Variants in KCNIP4 observed in about 807,000 individuals in gnomAD.
The protein encoded by KCNIP4 is Kv channel-interacting protein 4.
A neutral mutation model predicts 34.0 loss-of-function variants in KCNIP4; 12 were observed. The ratio of observed to expected loss-of-function variants is 0.35; its 90% CI spans 0.23 to 0.57. The LOEUF (loss-of-function observed/expected upper bound fraction) is 0.57, where lower values mean the gene tolerates loss of function less well. KCNIP4 is among the 20% of genes least tolerant of loss of function. The pLI, the probability that KCNIP4 is intolerant of heterozygous loss-of-function variation, is 0.83. For missense variants in KCNIP4, 238 were observed against 311.7 expected (o/e 0.76, Z 1.78); for synonymous variants, 124 against 102.2 (o/e 1.21, Z -1.29).
At chr4:21,708,950 C>T (rs969188466) in intron 1 of KCNIP4, among the ~76,000 whole-genome samples, 12 of 152,118 alleles carry the variant, frequency 7.9e-5, no homozygotes, top group Non-Finnish European at 1.6e-4. Flanking sequence ...ATTCAGCATG[C>T]TATTTTCTCC....
chr4:20,936,461 A>C (rs181869508), intron 1 of KCNIP4, among the ~76,000 whole-genome samples: 2 of 151,780 alleles, frequency 1.3e-5, no homozygotes, highest in African/African-American at 2.4e-5. Context: ...TTCATCATGC[A>C]TACAGGTACA....
chr4:20,908,835 T>C (rs748392582), intron 1 of KCNIP4, among the ~76,000 whole-genome samples: 1 of 152,234 alleles, frequency 6.6e-6, no homozygotes, highest in Non-Finnish European at 1.5e-5. Context: ...ACTTGTCTCA[T>C]TTAGTTCTTT....
chr4:21,521,544 C>T (rs1198199141), intron 1 of KCNIP4, among the ~76,000 whole-genome samples: 1 of 152,104 alleles, frequency 6.6e-6, no homozygotes, highest in African/African-American at 2.4e-5. Flanking sequence ...CCACTACTCC[C>T]CTAACTTCTC....
chr4:21,078,100 A>T (rs904549138), intron 1 of KCNIP4, among the ~76,000 whole-genome samples: 9 of 152,052 alleles, frequency 5.9e-5, no homozygotes, highest in African/African-American at 2.2e-4. Context: ...TGACATAAGG[A>T]CACCACTGAA....
intron 1 of KCNIP4, among the ~76,000 whole-genome samples, chr4:21,361,265 A>T (rs1719189934): frequency 1.3e-5 from 2 of 152,016 alleles, no homozygotes; most frequent in Admixed American, 1.3e-4. Context: ...CAGATTCTCC[A>T]TCTATAAAAT....
At chr4:21,561,398 A>T (rs2109033206) in intron 1 of KCNIP4, among the ~76,000 whole-genome samples, 1 of 152,198 alleles carries the variant, frequency 6.6e-6, no homozygotes, top group Non-Finnish European at 1.5e-5. Flanking sequence ...AAGACTAAAA[A>T]TAGAAGGGAT....
At chr4:20,797,978 C>A (rs537778128) in intron 3 of KCNIP4, among the ~76,000 whole-genome samples, 1 of 152,288 alleles carries the variant, frequency 6.6e-6, no homozygotes, top group Non-Finnish European at 1.5e-5. Context: ...GTGTTTTTAG[C>A]CTCTAAGTTG....
At chr4:21,121,055 C>T (rs116750996) in intron 1 of KCNIP4, among the ~76,000 whole-genome samples, 4 of 152,208 alleles carry the variant, frequency 2.6e-5, no homozygotes, top group Non-Finnish European at 2.9e-5. Flanking sequence ...ACTAGCTTCT[C>T]GAAGAATACA....
At chr4:21,271,913 T>C (rs1230416908) in intron 1 of KCNIP4, among the ~76,000 whole-genome samples, 1 of 152,166 alleles carries the variant, frequency 6.6e-6, no homozygotes, top group Non-Finnish European at 1.5e-5. Flanking sequence ...GTAAAACTAT[T>C]AGATGCATTC....
At chr4:21,823,609 A>G (rs1722502657) in intron 1 of KCNIP4, among the ~76,000 whole-genome samples, 1 of 151,972 alleles carries the variant, frequency 6.6e-6, no homozygotes, top group African/African-American at 2.4e-5. Flanking sequence ...CCCCAAATAC[A>G]CTAAATCAGA....
chr4:21,908,222 A>C (rs1158853779), intron 1 of KCNIP4, among the ~76,000 whole-genome samples: 1 of 152,154 alleles, frequency 6.6e-6, no homozygotes, highest in African/African-American at 2.4e-5. Context: ...GCCTACCTCT[A>C]CAAAGCAGGA....
intron 3 of KCNIP4, among the ~76,000 whole-genome samples, chr4:20,763,122 C>G (rs1265259774): frequency 1.3e-5 from 2 of 152,130 alleles, no homozygotes; most frequent in Non-Finnish European, 2.9e-5. Context: ...GATTACAATT[C>G]AAGATGAGAT....
intron 1 of KCNIP4, among the ~76,000 whole-genome samples, chr4:21,202,847 A>G (rs966197549): frequency 6.6e-6 from 1 of 152,168 alleles, no homozygotes; most frequent in Non-Finnish European, 1.5e-5. Flanking sequence ...CAGAATCTAC[A>G]AGGGCTACTA....
At chr4:21,291,453 A>G (rs904378911) in intron 1 of KCNIP4, among the ~76,000 whole-genome samples, 17 of 152,212 alleles carry the variant, frequency 1.1e-4, no homozygotes, top group African/African-American at 3.9e-4. Context: ...AAGGCAGGGA[A>G]TTAGGTCTAT....
At chr4:21,098,774 T>C (rs148809208) in intron 1 of KCNIP4, among the ~76,000 whole-genome samples, 1 of 152,188 alleles carries the variant, frequency 6.6e-6, no homozygotes, top group African/African-American at 2.4e-5. Flanking sequence ...CATGGATCAA[T>C]GAATAATTTT....
chr4:21,710,916 T>G (rs1713673449), intron 1 of KCNIP4, among the ~76,000 whole-genome samples: 1 of 152,210 alleles, frequency 6.6e-6, no homozygotes, highest in Non-Finnish European at 1.5e-5. Context: ...TCAGTTGTAC[T>G]GCTATTTCAA....
In KCNIP4 at chr4:21,837,532, C is replaced by CAAAA. The variant is rs60449238; in HGVS notation, c.61+111035_61+111038dup. Among the ~76,000 whole-genome samples, 66 of 78,514 alleles carry CAAAA rather than the reference C, an allele frequency of 8.4e-4. 1 individual carries two copies. Among genetic ancestry groups the CAAAA allele is most frequent in the South Asian group, 2.6e-3 (4 of 1,516 alleles). The allele number at this position is 78,514 out of a possible 152,430, so 51.5% of individuals were successfully genotyped here. On this transcript the variant is annotated intron_variant, in intron 1 of 8. Transcript: ENST00000382152. ...CTGGGCAACAAGAGCAAAACGCTGT[C>CAAAA]AAAAAAAAAAAAAAAGAAAAAGAAA... is the stretch of plus-strand genomic sequence containing the variant.
intron 1 of KCNIP4, among the ~76,000 whole-genome samples, chr4:21,605,833 G>A (rs1743601884): frequency 6.6e-6 from 1 of 152,118 alleles, no homozygotes; most frequent in Non-Finnish European, 1.5e-5. Flanking sequence ...TGTAAACAAA[G>A]ATAGTTAACC....
At chr4:20,983,905 C>T in intron 1 of KCNIP4, 8 of 1,536,158 alleles carry the variant, frequency 5.2e-6, no homozygotes, top group Non-Finnish European at 7.0e-6. Context: ...GTCCTTCGGA[C>T]TCCCACTCCA....
Sources: allele counts gnomAD v4.1 joint callset (sites outside exome capture counted in the v4.1 genomes callset), GRCh38; gene constraint gnomAD v4.1.1; transcripts MANE v1.5; gene names NCBI Gene and HGNC (gene_info 2026-07-23, HGNC 2026-07-21).